Variants in FSTL5 observed in about 807,000 individuals in gnomAD.
FSTL5 encodes the protein follistatin like 5, also known as follistatin-related protein 5.
In FSTL5, 62 loss-of-function variants were observed where a neutral mutation model predicts 89.1. The ratio of observed to expected loss-of-function variants is 0.70; its 90% confidence interval spans 0.57 to 0.86. The LOEUF is 0.86. Ranked by LOEUF, FSTL5 falls within the 40% of genes least tolerant of loss-of-function variation. FSTL5 has a pLI of 0.00. For missense variants in FSTL5, 1,057 were observed against 1,001.6 expected (o/e 1.06, Z -0.75); for synonymous variants, 383 against 346.2 (o/e 1.11, Z -1.18).
intron 11 of FSTL5, among the ~76,000 whole-genome samples, chr4:161,508,521 G>A (rs1257080197): frequency 6.6e-6 from 1 of 152,156 alleles, no homozygotes; most frequent in East Asian, 1.9e-4. Context: ...TCTTGATGGA[G>A]AATAATTACT....
At chr4:161,722,834 T>C (rs535291667) in intron 6 of FSTL5, among the ~76,000 whole-genome samples, 2 of 152,314 alleles carry the variant, frequency 1.3e-5, no homozygotes, top group Non-Finnish European at 2.9e-5. Flanking sequence ...GGAGGCATGA[T>C]AATACTTTTG....
intron 7 of FSTL5, among the ~76,000 whole-genome samples, chr4:161,634,919 T>C (rs574273535): frequency 6.6e-6 from 1 of 152,358 alleles, no homozygotes; most frequent in East Asian, 1.9e-4. Context: ...AGGTAATGGA[T>C]ATCTTAATTA....
chr4:161,583,485 A>G (rs28497204), intron 8 of FSTL5, among the ~76,000 whole-genome samples: 2,083 of 152,318 alleles, frequency 0.014, 49 homozygotes, highest in South Asian at 0.053. Context: ...TTGGGTCTGT[A>G]TTATAGCAGT....
At chr4:161,492,726 G>A (rs1259497164) in intron 12 of FSTL5, among the ~76,000 whole-genome samples, 2 of 151,884 alleles carry the variant, frequency 1.3e-5, no homozygotes, top group Non-Finnish European at 2.9e-5. Flanking sequence ...GCAATAAGTC[G>A]GTAGCTTAAG....
At chr4:161,838,971 G>A (rs534827830) in intron 4 of FSTL5, among the ~76,000 whole-genome samples, 1 of 151,548 alleles carries the variant, frequency 6.6e-6, no homozygotes, top group South Asian at 2.1e-4. Flanking sequence ...ATAAAACATA[G>A]GTCAAAAAAT....
intron 6 of FSTL5, among the ~76,000 whole-genome samples, chr4:161,708,840 G>A (rs887846473): frequency 1.3e-5 from 2 of 151,736 alleles, no homozygotes; most frequent in Admixed American, 1.3e-4. Context: ...ATATGTTTGG[G>A]GTATTTATTC....
At chr4:161,489,934 G>A (rs1729805857) in intron 12 of FSTL5, among the ~76,000 whole-genome samples, 1 of 151,962 alleles carries the variant, frequency 6.6e-6, no homozygotes, top group Non-Finnish European at 1.5e-5. Flanking sequence ...TTGTACTTCA[G>A]TCCTATCTTG....
chr4:161,951,504 C>T (rs1734893903), intron 3 of FSTL5, among the ~76,000 whole-genome samples: 1 of 152,102 alleles, frequency 6.6e-6, no homozygotes, highest in Admixed American at 6.6e-5. Context: ...AGTCACTTCT[C>T]TGTCTTTTTA....
intron 10 of FSTL5, among the ~76,000 whole-genome samples, chr4:161,516,543 A>C (rs529324100): frequency 6.8e-6 from 1 of 146,534 alleles, no homozygotes; most frequent in Non-Finnish European, 1.5e-5. Context: ...ATTTACATAT[A>C]GTAAATTATA....
intron 15 of FSTL5, among the ~76,000 whole-genome samples, chr4:161,441,266 T>C (rs531730237): frequency 1.4e-4 from 21 of 152,248 alleles, no homozygotes; most frequent in African/African-American, 5.1e-4. Flanking sequence ...TTGCTTTCTC[T>C]ACAACACCAA....
intron 13 of FSTL5, among the ~76,000 whole-genome samples, chr4:161,473,573 T>C (rs1485456074): frequency 6.6e-6 from 1 of 151,866 alleles, no homozygotes; most frequent in African/African-American, 2.4e-5. Context: ...GGACTACAGG[T>C]GCGTGTCACC....
chr4:161,889,494 A>C (rs992959247), intron 4 of FSTL5, among the ~76,000 whole-genome samples: 1 of 151,988 alleles, frequency 6.6e-6, no homozygotes, highest in Non-Finnish European at 1.5e-5. Context: ...AAACACAAAA[A>C]TTTGCTAGGT....
At chr4:161,906,820 T>A (rs1213889675) in intron 4 of FSTL5, among the ~76,000 whole-genome samples, 1 of 152,136 alleles carries the variant, frequency 6.6e-6, no homozygotes, top group Non-Finnish European at 1.5e-5. Flanking sequence ...TAATTAGAAT[T>A]ACATGGAAAG....
chr4:161,524,504 T>C (rs925117908), intron 10 of FSTL5, among the ~76,000 whole-genome samples: 3 of 152,318 alleles, frequency 2.0e-5, no homozygotes, highest in Admixed American at 2.0e-4. Context: ...CAGAATTTCT[T>C]CTGTCAAAGC....
chr4:162,134,502 T>C (rs1025586387), intron 1 of FSTL5, among the ~76,000 whole-genome samples: 6 of 151,152 alleles, frequency 4.0e-5, no homozygotes, highest in African/African-American at 9.7e-5. Context: ...CATTTGTTCA[T>C]GAAATATACC....
chr4:161,974,833 A>T lies in FSTL5; in HGVS notation c.161-54181T>A, dbSNP rs1489795793. Among the ~76,000 whole-genome samples, 5 of 151,260 alleles carry T rather than the reference A, an allele frequency of 3.3e-5. No homozygotes were observed. In the East Asian group the frequency reaches 9.8e-4, roughly 30 times the overall value. On this transcript the variant is annotated intron_variant, in intron 3 of 15. Coordinates refer to ENST00000306100, the MANE Select transcript of FSTL5 (RefSeq NM_020116.5). ...AACAGGCAACCTACAACATGGGAGA[A>T]AATTTTCGCAACCTACTCATCTGAC...
In FSTL5 at chr4:161,386,067, G is replaced by A. The variant is rs773362979; in HGVS notation, c.2224C>T (p.Leu742=). ...DIYTNLHISD[L]AFQPSFTEAH... ...TCAGTAAAGGATGGTTGAAATGCCAGATCAGATATGTGCAGATTTGTGTAA... is the reference window on the plus strand; with the variant it reads ...TCAGTAAAGGATGGTTGAAATGCCAAATCAGATATGTGCAGATTTGTGTAA... The change falls in exon 16 of 16, where the codon CTG becomes TTG. Residue 742 remains leucine, a synonymous_variant. Transcript: ENST00000306100. The A allele has an allele frequency of 1.2e-6, 2 of 1,614,062 alleles. No homozygotes were observed. The highest frequency in any genetic ancestry group is 1.7e-6 in the Non-Finnish European group (2 of 1,179,978).
chr4:161,419,496 C>T (rs773615465), intron 15 of FSTL5, among the ~76,000 whole-genome samples: 1 of 152,118 alleles, frequency 6.6e-6, no homozygotes, highest in African/African-American at 2.4e-5. Context: ...TTCTGACTAC[C>T]ATGTCCTTAA....
intron 15 of FSTL5, among the ~76,000 whole-genome samples, chr4:161,402,363 G>A (rs1415743469): frequency 2.6e-5 from 4 of 152,084 alleles, no homozygotes; most frequent in African/African-American, 9.7e-5. Flanking sequence ...CTCCCTTGAA[G>A]GATCTACATA....
Sources: gnomAD v4.1 joint callset for allele counts (sites outside exome capture counted in the v4.1 genomes callset) on GRCh38, gnomAD v4.1.1 for gene constraint, MANE v1.5 for transcripts, NCBI Gene and HGNC (gene_info 2026-07-23, HGNC 2026-07-21) for gene names.